DTNBP1: variants seen among roughly 807,000 people sequenced by gnomAD.
The protein encoded by DTNBP1 is dysbindin.
In DTNBP1, 35 loss-of-function variants were observed where a neutral mutation model predicts 42.8. The observed-to-expected ratio is 0.82, with a 90% CI of 0.63 to 1.09. The LOEUF (loss-of-function observed/expected upper bound fraction) is 1.09, where lower values mean the gene tolerates loss of function less well. Among genes scored for constraint, DTNBP1 ranks in the 50% least tolerant of loss-of-function variants. DTNBP1 has a pLI of 0.00. For missense variants in DTNBP1, 457 were observed against 424.2 expected (o/e 1.08, Z -0.68); for synonymous variants, 171 against 162.2 (o/e 1.05, Z -0.41).
intron 3 of DTNBP1, among the ~76,000 whole-genome samples, chr6:15,646,365 T>A (rs1760681651): frequency 6.6e-6 from 1 of 150,690 alleles, no homozygotes; most frequent in African/African-American, 2.4e-5. Context: ...ATGAAAGAAA[T>A]CATAGATGAC....
chr6:15,579,476 C>T (rs888558061), intron 7 of DTNBP1, among the ~76,000 whole-genome samples: 3 of 152,140 alleles, frequency 2.0e-5, no homozygotes, highest in African/African-American at 7.2e-5. Flanking sequence ...TGTAGGGTGA[C>T]TATAACAATT....
In DTNBP1 at chr6:15,536,171, A is replaced by G. The variant is rs545850552; in HGVS notation, c.512-2776T>C. Among the ~76,000 whole-genome samples the G allele has an allele frequency of 1.7e-4, 26 of 152,376 alleles. 1 individual carries two copies. In the South Asian group the frequency reaches 5.4e-3, roughly 32 times the overall value. On this transcript the variant is annotated intron_variant, in intron 7 of 9. Coordinates refer to ENST00000344537, the MANE Select transcript of DTNBP1 (RefSeq NM_032122.5). ...AGTTTAGAAAATCTGTAGCCTGACA[A>G]TGCGACAGAAAAGAAAAACCCATTT...
intron 6 of DTNBP1, among the ~76,000 whole-genome samples, chr6:15,610,427 G>C (rs1758328670): frequency 6.6e-6 from 1 of 152,042 alleles, no homozygotes; most frequent in Non-Finnish European, 1.5e-5. Flanking sequence ...TTGAAATCAG[G>C]CCAATTATTA....
At chr6:15,585,064 AATATATATATATATATATATATATAT>A (rs59261831) in intron 7 of DTNBP1, among the ~76,000 whole-genome samples, 2,216 of 119,592 alleles carry the variant, frequency 0.019, 62 homozygotes, top group Non-Finnish European at 0.025. Flanking sequence ...TTATGAAAAG[AATATATATATATATATATATATATAT>A]ATATATATAT....
At chr6:15,578,605 G>A (rs1023319501) in intron 7 of DTNBP1, among the ~76,000 whole-genome samples, 1 of 152,132 alleles carries the variant, frequency 6.6e-6, no homozygotes, top group Non-Finnish European at 1.5e-5. Flanking sequence ...ATATTGAGTG[G>A]TCATTTCATG....
At chr6:15,598,569 T>C (rs1375151347) in intron 6 of DTNBP1, among the ~76,000 whole-genome samples, 2 of 152,164 alleles carry the variant, frequency 1.3e-5, no homozygotes, top group Non-Finnish European at 2.9e-5. Flanking sequence ...TACTTGTTCC[T>C]GGGAAAGATC....
intron 5 of DTNBP1, among the ~76,000 whole-genome samples, chr6:15,616,677 T>C (rs558886964): frequency 1.2e-4 from 18 of 152,360 alleles, no homozygotes; most frequent in African/African-American, 3.8e-4. Context: ...CTAGCTTTCA[T>C]AGCATTTAGG....
intron 7 of DTNBP1, among the ~76,000 whole-genome samples, chr6:15,559,626 A>G (rs1293691417): frequency 6.6e-6 from 1 of 152,182 alleles, no homozygotes; most frequent in South Asian, 2.1e-4. Context: ...CAGCATAACC[A>G]TTATATATGA....
At chr6:15,657,049 C>A (rs1761326061) in intron 1 of DTNBP1, among the ~76,000 whole-genome samples, 1 of 152,148 alleles carries the variant, frequency 6.6e-6, no homozygotes, top group South Asian at 2.1e-4. Flanking sequence ...AGGGAAAAGC[C>A]AAAGCCTCAA....
At chr6:15,654,254 T>A (rs1390435917) in intron 1 of DTNBP1, among the ~76,000 whole-genome samples, 1 of 152,194 alleles carries the variant, frequency 6.6e-6, no homozygotes, top group African/African-American at 2.4e-5. Context: ...AACTAGTAAA[T>A]CTGGTTTAAA....
intron 5 of DTNBP1, among the ~76,000 whole-genome samples, chr6:15,623,810 GA>G (rs1759180808): frequency 6.6e-6 from 1 of 152,126 alleles, no homozygotes; most frequent in Non-Finnish European, 1.5e-5. Context: ...CACAGAATAA[GA>G]AAGTGCATAG....
intron 7 of DTNBP1, among the ~76,000 whole-genome samples, chr6:15,575,862 A>G (rs1313089837): frequency 5.3e-5 from 8 of 152,156 alleles, no homozygotes; most frequent in Admixed American, 3.9e-4. Context: ...TGAGGTGAAG[A>G]GCATAAAGAA....
intron 8 of DTNBP1, 86 bp from the exon 9 acceptor site, chr6:15,524,755 A>G: frequency 6.4e-7 from 1 of 1,562,372 alleles, no homozygotes. Flanking sequence ...GGCTAACTAC[A>G]TTGCATTTCC....
intron 3 of DTNBP1, among the ~76,000 whole-genome samples, chr6:15,648,680 A>G (rs975014547): frequency 2.6e-5 from 4 of 152,086 alleles, no homozygotes; most frequent in Non-Finnish European, 4.4e-5. Flanking sequence ...ATTAACAAAG[A>G]TGATGAAAGA....
intron 3 of DTNBP1, among the ~76,000 whole-genome samples, chr6:15,647,212 G>A (rs1760738878): frequency 6.6e-6 from 1 of 151,882 alleles, no homozygotes; most frequent in Admixed American, 6.6e-5. Flanking sequence ...CTTCTCAAAT[G>A]AAGACATATA....
intron 6 of DTNBP1, among the ~76,000 whole-genome samples, chr6:15,601,469 A>G (rs1776724545): frequency 6.6e-6 from 1 of 152,236 alleles, no homozygotes; most frequent in South Asian, 2.1e-4. Flanking sequence ...ATTGGGATCA[A>G]CTAATAAATT....
At chr6:15,528,437 T>G (rs992078697) in intron 8 of DTNBP1, among the ~76,000 whole-genome samples, 1 of 152,102 alleles carries the variant, frequency 6.6e-6, no homozygotes, top group Non-Finnish European at 1.5e-5. Flanking sequence ...AAATGTCCCC[T>G]TGGGGGCAAA....
At chr6:15,549,214 T>C (rs570376050) in intron 7 of DTNBP1, among the ~76,000 whole-genome samples, 2 of 152,250 alleles carry the variant, frequency 1.3e-5, no homozygotes, top group South Asian at 2.1e-4. Context: ...AGACCGGGCA[T>C]GGTGGCTCAT....
At chr6:15,529,449 T>G (rs1240176252) in intron 8 of DTNBP1, among the ~76,000 whole-genome samples, 2 of 152,246 alleles carry the variant, frequency 1.3e-5, no homozygotes, top group South Asian at 4.1e-4. Context: ...CTCAAAATCA[T>G]AGCACTTAGG....
Sources: allele counts gnomAD v4.1 joint callset (sites outside exome capture counted in the v4.1 genomes callset), GRCh38; gene constraint gnomAD v4.1.1; transcripts MANE v1.5; gene names NCBI Gene and HGNC (gene_info 2026-07-23, HGNC 2026-07-21).